The following GRM5 variants were observed in gnomAD, a reference collection of about 807,000 sequenced individuals.
GRM5 encodes the protein metabotropic glutamate receptor 5.
Under a neutral mutation model 83.1 loss-of-function variants are expected in GRM5, and 19 were observed. The ratio of observed to expected loss-of-function variants is 0.23; its 90% CI spans 0.16 to 0.34. GRM5 has a LOEUF of 0.34. Ranked by LOEUF, GRM5 falls within the 10% of genes least tolerant of loss-of-function variation. The pLI, the probability that GRM5 is intolerant of heterozygous loss-of-function variation, is 1.00. For missense variants in GRM5, 1,160 were observed against 1,588.3 expected (o/e 0.73, Z 4.58); for synonymous variants, 675 against 633.6 (o/e 1.07, Z -0.98).
At chr11:88,811,659 T>C (rs548846908) in intron 3 of GRM5, among the ~76,000 whole-genome samples, 81 of 152,224 alleles carry the variant, frequency 5.3e-4, no homozygotes, top group African/African-American at 1.9e-3. Context: ...TTAATACCTA[T>C]AGGACAAACT....
intron 2 of GRM5, among the ~76,000 whole-genome samples, chr11:88,929,509 A>G (rs1388368321): frequency 6.6e-6 from 1 of 152,154 alleles, no homozygotes; most frequent in Admixed American, 6.6e-5. Context: ...ATTTATCATG[A>G]AAAGCTTTTG....
At chr11:88,989,360 T>G (rs1264986291) in intron 2 of GRM5, among the ~76,000 whole-genome samples, 52 of 135,142 alleles carry the variant, frequency 3.8e-4, no homozygotes, top group South Asian at 8.4e-4. Context: ...GATTCATAAA[T>G]CAAGTCCTGA....
At chr11:88,862,269 A>C (rs576978828) in intron 2 of GRM5, among the ~76,000 whole-genome samples, 1 of 152,222 alleles carries the variant, frequency 6.6e-6, no homozygotes, top group East Asian at 1.9e-4. Context: ...TCAATTACAA[A>C]ATTATATGTA....
At chr11:88,643,123 C>G (rs1337019046) in intron 4 of GRM5, among the ~76,000 whole-genome samples, 2 of 152,088 alleles carry the variant, frequency 1.3e-5, no homozygotes, top group African/African-American at 4.8e-5. Flanking sequence ...CGTGGTTCTG[C>G]AGGCTGTGCA....
At chr11:88,912,028 T>C (rs1323063806) in intron 2 of GRM5, 16 of 469,706 alleles carry the variant, frequency 3.4e-5, no homozygotes, top group Non-Finnish European at 6.6e-5. Flanking sequence ...TGATGAGAAG[T>C]CACAAATAAG....
At chr11:88,939,668 GAAT>G (rs1938020734) in intron 2 of GRM5, among the ~76,000 whole-genome samples, 1 of 151,628 alleles carries the variant, frequency 6.6e-6, no homozygotes, top group East Asian at 1.9e-4. Flanking sequence ...AATATGATTA[GAAT>G]AATAATATTC....
intron 3 of GRM5, among the ~76,000 whole-genome samples, chr11:88,657,676 A>AT (rs1939797630): frequency 6.6e-6 from 1 of 152,050 alleles, no homozygotes; most frequent in South Asian, 2.1e-4. Context: ...TGAAAGCTTA[A>AT]TTTTTCTTTC....
intron 9 of GRM5, chr11:88,524,179 TTC>T (rs1941790056): frequency 6.8e-6 from 1 of 146,080 alleles, no homozygotes; most frequent in African/African-American, 2.5e-5. Flanking sequence ...CCCTTTTCTT[TTC>T]TTTTTTCTTT....
At chr11:88,700,700 A>G (rs1941012429) in intron 3 of GRM5, among the ~76,000 whole-genome samples, 1 of 152,102 alleles carries the variant, frequency 6.6e-6, no homozygotes, top group African/African-American at 2.4e-5. Context: ...GCACAAGACA[A>G]AGGGACTCAC....
At chr11:88,746,791 C>A (rs75309501) in intron 3 of GRM5, among the ~76,000 whole-genome samples, 1,524 of 152,056 alleles carry the variant, frequency 0.01, 23 homozygotes, top group African/African-American at 0.035. Context: ...AAAAAAGTAG[C>A]ATGTAAGAAG....
chr11:88,742,511 C>T (rs114824670), intron 3 of GRM5, among the ~76,000 whole-genome samples: 1,634 of 152,072 alleles, frequency 0.011, 23 homozygotes, highest in African/African-American at 0.037. Flanking sequence ...CATAATACCA[C>T]CTGCTTTAAT....
chr11:88,591,892 G>A (rs1937647878), intron 6 of GRM5, among the ~76,000 whole-genome samples: 1 of 152,090 alleles, frequency 6.6e-6, no homozygotes, highest in Non-Finnish European at 1.5e-5. Flanking sequence ...TTTAGTACTT[G>A]TCACATACTG....
intron 4 of GRM5, among the ~76,000 whole-genome samples, chr11:88,619,582 C>T (rs184966675): frequency 6.6e-6 from 1 of 152,306 alleles, no homozygotes; most frequent in African/African-American, 2.4e-5. Flanking sequence ...CCTCAGAATA[C>T]TTGCCTCCTA....
At chr11:88,654,014 T>G (rs1215752374) in intron 3 of GRM5, among the ~76,000 whole-genome samples, 1 of 152,036 alleles carries the variant, frequency 6.6e-6, no homozygotes, top group African/African-American at 2.4e-5. Flanking sequence ...CTATTTTCTA[T>G]CCCATGGAAT....
intron 4 of GRM5, among the ~76,000 whole-genome samples, chr11:88,607,446 T>C (rs1357713907): frequency 6.6e-6 from 1 of 152,172 alleles, no homozygotes; most frequent in Non-Finnish European, 1.5e-5. Context: ...ACAGCAATAG[T>C]CTTCTAACTG....
At chr11:88,923,362 T>C (rs1945726470) in intron 2 of GRM5, among the ~76,000 whole-genome samples, 1 of 152,166 alleles carries the variant, frequency 6.6e-6, no homozygotes, top group Non-Finnish European at 1.5e-5. Context: ...GATAGCACTA[T>C]TCAGGCATAA....
rs144913117 is a variant in GRM5, at chr11:88,519,176, A to G, written c.2726+6133T>C. On this transcript the variant is annotated intron_variant, in intron 9 of 9. Transcript: ENST00000305447. ...AGTAGGTTTGCTAGGTGGAGCAGCA[A>G]TGGGAGTTCCTTCTCCCTGGAAGAA... 2.6e-3 allele frequency among the ~76,000 whole-genome samples: 390 copies of G among 151,830 alleles called. 2 individuals carry two copies. The highest frequency in any genetic ancestry group is 8.3e-3 in the African/African-American group (343 of 41,422).
intron 2 of GRM5, among the ~76,000 whole-genome samples, chr11:88,939,989 G>T (rs1053216146): frequency 5.3e-5 from 8 of 151,848 alleles, no homozygotes. Flanking sequence ...GTAATAAAAG[G>T]AATCAGATTG....
At chr11:88,983,794 G>A (rs192507565) in intron 2 of GRM5, among the ~76,000 whole-genome samples, 1 of 152,134 alleles carries the variant, frequency 6.6e-6, no homozygotes, top group East Asian at 1.9e-4. Flanking sequence ...TTTTACCATA[G>A]GAGGTAATGC....
Sources: gnomAD v4.1 joint callset for allele counts (sites outside exome capture counted in the v4.1 genomes callset) on GRCh38, gnomAD v4.1.1 for gene constraint, MANE v1.5 for transcripts, NCBI Gene and HGNC (gene_info 2026-07-23, HGNC 2026-07-21) for gene names.